The following BTRC variants were observed in gnomAD, a reference collection of about 807,000 sequenced individuals.
The protein encoded by BTRC is F-box/WD repeat-containing protein 1A.
BTRC carries 42 observed loss-of-function variants against 85.5 expected under a neutral mutation model. That is an observed-to-expected ratio of 0.49 (90% CI 0.38 to 0.64). The LOEUF (loss-of-function observed/expected upper bound fraction) is 0.64, where lower values mean the gene tolerates loss of function less well. BTRC is among the 30% of genes least tolerant of loss of function. BTRC has a pLI of 0.00. For synonymous variants in BTRC, 255 were observed against 263.3 expected, an observed-to-expected ratio of 0.97 and a Z score of 0.30; for missense variants, 594 against 743.5, an observed-to-expected ratio of 0.80 and a Z score of 2.34.
intron 1 of BTRC, among the ~76,000 whole-genome samples, chr10:101,421,178 G>A (rs1944090521): frequency 6.6e-6 from 1 of 151,896 alleles, no homozygotes; most frequent in African/African-American, 2.4e-5. Context: ...ATCCAGTCCT[G>A]TTGATCCTTC....
intron 4 of BTRC, among the ~76,000 whole-genome samples, chr10:101,518,758 T>C (rs1259930316): frequency 2.0e-5 from 3 of 152,300 alleles, no homozygotes; most frequent in East Asian, 3.9e-4. Context: ...AAATTTCCAT[T>C]GCCTAGACCA....
chr10:101,464,915 G>A (rs1306617690), intron 3 of BTRC, among the ~76,000 whole-genome samples: 2 of 152,124 alleles, frequency 1.3e-5, no homozygotes, highest in East Asian at 1.9e-4. Flanking sequence ...CTCTATCTTA[G>A]GGAAGAGTGA....
At chr10:101,442,077 A>AT (rs1944696207) in intron 2 of BTRC, among the ~76,000 whole-genome samples, 1 of 152,160 alleles carries the variant, frequency 6.6e-6, no homozygotes. Flanking sequence ...AAAAGCATAG[A>AT]AAAGCATATG....
At chr10:101,550,059 CCT>C (rs1460696505) in intron 13 of BTRC, among the ~76,000 whole-genome samples, 1 of 152,096 alleles carries the variant, frequency 6.6e-6, no homozygotes, top group East Asian at 1.9e-4. Flanking sequence ...CAATCCTTGA[CCT>C]CTGATTGTAG....
chr10:101,410,563 G>A (rs1419952699), intron 1 of BTRC, among the ~76,000 whole-genome samples: 1 of 152,048 alleles, frequency 6.6e-6, no homozygotes, highest in Non-Finnish European at 1.5e-5. Flanking sequence ...GCAGTGAGCC[G>A]AGATCATGCC....
intron 13 of BTRC, among the ~76,000 whole-genome samples, chr10:101,549,726 A>AAAAAAC (rs2134477625): frequency 6.7e-6 from 1 of 149,140 alleles, no homozygotes; most frequent in African/African-American, 2.5e-5. Flanking sequence ...AAAAAAAAAA[A>AAAAAAC]AAAAAAAAAA....
chr10:101,399,549 G>A (rs551772855), intron 1 of BTRC, among the ~76,000 whole-genome samples: 14 of 152,248 alleles, frequency 9.2e-5, no homozygotes, highest in East Asian at 3.9e-4. Flanking sequence ...CGTGTGCCTA[G>A]CTGTTGTTGC....
chr10:101,374,786 TAAAAAA>T (rs35956327), intron 1 of BTRC, among the ~76,000 whole-genome samples: 1 of 145,412 alleles, frequency 6.9e-6, no homozygotes, highest in South Asian at 2.2e-4. Context: ...GTATAATAAA[TAAAAAA>T]AAAAAAAAGA....
At chr10:101,370,601 A>ATCCT in intron 1 of BTRC, among the ~76,000 whole-genome samples, 1 of 151,346 alleles carries the variant, frequency 6.6e-6, no homozygotes, top group South Asian at 2.1e-4. Flanking sequence ...GATCATACAG[A>ATCCT]TCCTTCCCTC....
chr10:101,391,422 G>A (rs964342660), intron 1 of BTRC, among the ~76,000 whole-genome samples: 2 of 152,098 alleles, frequency 1.3e-5, no homozygotes, highest in Non-Finnish European at 2.9e-5. Flanking sequence ...AAAATTCTTT[G>A]TTTTTGTGTC....
chr10:101,431,513 A>G (rs1261988526), intron 2 of BTRC, among the ~76,000 whole-genome samples: 1 of 152,178 alleles, frequency 6.6e-6, no homozygotes, highest in African/African-American at 2.4e-5. Context: ...GGTACCATAC[A>G]TGATTGTTTT....
At chr10:101,475,462 C>T (rs766311141) in intron 3 of BTRC, among the ~76,000 whole-genome samples, 1 of 152,182 alleles carries the variant, frequency 6.6e-6, no homozygotes, top group African/African-American at 2.4e-5. Flanking sequence ...ATCACTCGAA[C>T]CTGGGAGGTG....
rs1194237945 is a variant in BTRC at position 101,522,014 on chromosome 10, C to CTTTTTTTTTTT, written c.556+170_556+180dup. ...TTAACTGTACCTTTTTGATATAAAG[C>CTTTTTTTTTTT]TTTTTTTTTTTTTTTTTTTTTTTTT... On this transcript the variant is annotated intron_variant, in intron 5 of 14. Transcript: ENST00000370187. 3 of 64,446 alleles carry CTTTTTTTTTTT rather than the reference C, an allele frequency of 4.7e-5. 1 individual carries two copies. Among genetic ancestry groups the CTTTTTTTTTTT allele is most frequent in the African/African-American group, 2.9e-4 (2 of 6,822 alleles). The allele number at this position is 64,446 out of a possible 1,614,324, so 4.0% of individuals were successfully genotyped here.
intron 7 of BTRC, among the ~76,000 whole-genome samples, 156 bp from the exon 8 acceptor site, chr10:101,532,139 A>T (rs1244902689): frequency 6.6e-6 from 1 of 152,240 alleles, no homozygotes; most frequent in Non-Finnish European, 1.5e-5. Flanking sequence ...TTTTATAAAT[A>T]TAGATAGTAG....
At position 101,521,782 on chromosome 10, in the gene BTRC, T is replaced by G. The variant is rs1344766612; in HGVS notation, c.468T>G (p.Leu156=). 1.2e-6 allele frequency: 2 copies of G among 1,613,990 alleles called. No homozygotes were observed. The highest frequency in any genetic ancestry group is 1.7e-5 in the Admixed American group (1 of 59,984). The change falls in exon 5 of 15, where the codon CTT becomes CTG. Residue 156 remains leucine, a synonymous_variant. Transcript: ENST00000370187. Reference sequence around the variant, plus strand: ...ATCAAGTGGAATTTGTGGAACATCTTATATCCCAAATGTGTCATTACCAAC... The same window carrying G: ...ATCAAGTGGAATTTGTGGAACATCTGATATCCCAAATGTGTCATTACCAAC... ...ESDQVEFVEH[L]ISQMCHYQHG...
chr10:101,381,446 T>A (rs1375586961), intron 1 of BTRC, among the ~76,000 whole-genome samples: 2 of 152,256 alleles, frequency 1.3e-5, no homozygotes, highest in African/African-American at 4.8e-5. Flanking sequence ...ATAACTGTTC[T>A]ATCTACTGGG....
chr10:101,392,616 C>G (rs1039293962), intron 1 of BTRC, among the ~76,000 whole-genome samples: 1 of 152,112 alleles, frequency 6.6e-6, no homozygotes, highest in African/African-American at 2.4e-5. Flanking sequence ...TCTCTTACCT[C>G]AGCCTCCCAA....
At chr10:101,379,503 G>A (rs775907313) in intron 1 of BTRC, among the ~76,000 whole-genome samples, 9 of 152,110 alleles carry the variant, frequency 5.9e-5, no homozygotes, top group Non-Finnish European at 1.0e-4. Context: ...TCATACTAAA[G>A]GATCAACTGA....
At chr10:101,460,555 T>C (rs1945197801) in intron 2 of BTRC, among the ~76,000 whole-genome samples, 1 of 152,210 alleles carries the variant, frequency 6.6e-6, no homozygotes, top group Non-Finnish European at 1.5e-5. Context: ...TTAAACCTCA[T>C]AAGATATTTC....
Sources: gnomAD v4.1 joint callset for allele counts (sites outside exome capture counted in the v4.1 genomes callset) on GRCh38, gnomAD v4.1.1 for gene constraint, MANE v1.5 for transcripts, NCBI Gene and HGNC (gene_info 2026-07-23, HGNC 2026-07-21) for gene names.